The following EXOC5 variants were observed in gnomAD, a reference collection of about 807,000 sequenced individuals.
The protein encoded by EXOC5 is exocyst complex component 5.
Under a neutral mutation model 90.8 loss-of-function variants are expected in EXOC5, and 17 were observed. That is an observed-to-expected ratio of 0.19 (90% confidence interval 0.13 to 0.28). The LOEUF (loss-of-function observed/expected upper bound fraction) is 0.28, where lower values mean the gene tolerates loss of function less well. EXOC5 is among the 10% of genes least tolerant of loss of function. The pLI, the probability that EXOC5 is intolerant of heterozygous loss-of-function variation, is 1.00. For synonymous variants in EXOC5, 260 were observed against 270.0 expected, an observed-to-expected ratio of 0.96 and a Z score of 0.36; for missense variants, 569 against 830.6, an observed-to-expected ratio of 0.69 and a Z score of 3.87.
In EXOC5 at chr14:57,244,994, T is replaced by G. The variant is rs1250375874; in HGVS notation, c.271-635A>C. On this transcript the variant is annotated intron_variant, in intron 3 of 17. Coordinates refer to ENST00000621441, the MANE Select transcript of EXOC5 (RefSeq NM_006544.4). ...CTAGGTAACAGAGTAAAACTCTGCCTCAAAAAAAAAAAAAAAAAGTCAGTG... is the reference window on the plus strand; with the variant it reads ...CTAGGTAACAGAGTAAAACTCTGCCGCAAAAAAAAAAAAAAAAAGTCAGTG... Among the ~76,000 whole-genome samples the G allele has an allele frequency of 2.7e-5, 3 of 109,890 alleles. No homozygotes were observed. In the East Asian group the frequency reaches 7.4e-4, roughly 27 times the overall value. The allele number at this position is 109,890 out of a possible 152,430, so 72.1% of individuals were successfully genotyped here. A position where few individuals can be genotyped will look rare whatever the true frequency, so the allele number is the denominator to read the frequency against.
intron 9 of EXOC5, 133 bp downstream of exon 9, chr14:57,233,610 T>G: frequency 3.4e-6 from 2 of 593,612 alleles, no homozygotes; most frequent in East Asian, 5.8e-5. Flanking sequence ...TGAGGATTCC[T>G]TTCTCCTTAA....
In EXOC5 at chr14:57,205,605, A is replaced by G. The variant is rs1343797176; in HGVS notation, c.*3004T>C. The G allele has an allele frequency of 3.1e-6, 1 of 318,782 alleles. No individual in the cohort carries two copies. The highest frequency in any genetic ancestry group is 2.2e-5 in the African/African-American group (1 of 44,962). 19.7% of individuals were successfully genotyped at this position (318,782 alleles called of 1,614,324 possible). ...TTTATCCAGATCCTTGTAAATATTCACCATTACAGGTAAGAAAAACGCATT... is the reference window on the plus strand; with the variant it reads ...TTTATCCAGATCCTTGTAAATATTCGCCATTACAGGTAAGAAAAACGCATT... On this transcript the variant is annotated 3_prime_UTR_variant, in exon 18 of 18. Transcript: ENST00000621441.
In EXOC5 at chr14:57,205,783, A is replaced by G. The variant is rs1223117660; in HGVS notation, c.*2826T>C. 2.3e-6 allele frequency: 1 copy of G among 425,908 alleles called. No homozygotes were observed. Among genetic ancestry groups the G allele is most frequent in the Non-Finnish European group, 4.6e-6 (1 of 219,696 alleles). The allele number at this position is 425,908 out of a possible 1,614,324, so 26.4% of individuals were successfully genotyped here. A position where few individuals can be genotyped will look rare whatever the true frequency, so the allele number is the denominator to read the frequency against. On this transcript the variant is annotated 3_prime_UTR_variant, in exon 18 of 18. Transcript: ENST00000621441. ...AATGATCTACAATGTAATATAAATTAACCTAATTTAAATTAGATTTTAATT... is the reference window on the plus strand; with the variant it reads ...AATGATCTACAATGTAATATAAATTGACCTAATTTAAATTAGATTTTAATT...
rs200820058 is a variant in EXOC5 at position 57,228,755 on chromosome 14, AG to A, written c.1296+978del. ...TAGCATTAGGAGAAATACCTAATGT[AG>A]ATGAGGAGTTGATGGGTGCAGCAAA... On this transcript the variant is annotated intron_variant, in intron 12 of 17. Transcript: ENST00000621441. Among the ~76,000 whole-genome samples, 139 of 151,608 alleles carry A rather than the reference AG, an allele frequency of 9.2e-4. 2 individuals are homozygous for A. In the East Asian group the frequency reaches 0.014, roughly 15 times the overall value.
chr14:57,268,205 C>T (rs1707709128), intron 1 of EXOC5: 2 of 246,020 alleles, frequency 8.1e-6, no homozygotes, highest in South Asian at 1.2e-4. Flanking sequence ...TGGCTTCCTC[C>T]TATTATTCCC....
chr14:57,210,947 A>G (rs554225530), intron 15 of EXOC5, among the ~76,000 whole-genome samples: 9 of 152,282 alleles, frequency 5.9e-5, no homozygotes, highest in African/African-American at 1.9e-4. Context: ...TTTTTAGGTG[A>G]CAAGAAACAA....
chr14:57,216,339 A>G (rs1296333952), intron 15 of EXOC5, among the ~76,000 whole-genome samples: 2 of 152,102 alleles, frequency 1.3e-5, no homozygotes, highest in African/African-American at 4.8e-5. Context: ...AGCCACAGCA[A>G]TTTTGAGAAA....
At chr14:57,263,405 C>T (rs755243045) in intron 1 of EXOC5, among the ~76,000 whole-genome samples, 3 of 151,432 alleles carry the variant, frequency 2.0e-5, no homozygotes, top group Non-Finnish European at 4.4e-5. Context: ...AGGAGGTCGA[C>T]GCTGCAGTGA....
chr14:57,255,286 C>CT (rs1884318610), intron 1 of EXOC5, among the ~76,000 whole-genome samples: 1 of 152,114 alleles, frequency 6.6e-6, no homozygotes, highest in African/African-American at 2.4e-5. Context: ...GGCAAGTTGA[C>CT]TACACTGGGC....
chr14:57,222,920 G>T (rs1321710699), intron 12 of EXOC5, among the ~76,000 whole-genome samples: 1 of 151,882 alleles, frequency 6.6e-6, no homozygotes, highest in Non-Finnish European at 1.5e-5. Context: ...AGAACAAAAA[G>T]AATTCTTTGT....
chr14:57,244,389 C>T, intron 3 of EXOC5, 30 bp from the exon 4 acceptor site: 1 of 1,492,928 alleles, frequency 6.7e-7, no homozygotes, highest in South Asian at 1.1e-5. Context: ...GCATAAAATA[C>T]AATCAGTGTG....
In EXOC5 at chr14:57,201,568, T is replaced by TTATATATATA. The variant is rs71104542; in HGVS notation, c.*7031_*7040dup. On this transcript the variant is annotated 3_prime_UTR_variant, in exon 18 of 18. Transcript: ENST00000621441. Reference sequence around the variant, plus strand: ...ACATATATTTTTATATATATTAATATTATATATATATATATATATATATAT... The same window carrying TTATATATATA: ...ACATATATTTTTATATATATTAATATTATATATATATATATATATATATATATATATATAT... The TTATATATATA allele has an allele frequency of 5.8e-4, 54 of 93,404 alleles. No individual in the cohort carries two copies. Among genetic ancestry groups the TTATATATATA allele is most frequent in the East Asian group, 3.4e-3 (13 of 3,878 alleles). 5.8% of individuals were successfully genotyped at this position (93,404 alleles called of 1,614,324 possible). A position where few individuals can be genotyped will look rare whatever the true frequency, so the allele number is the denominator to read the frequency against.
chr14:57,205,932 C>T lies in EXOC5; in HGVS notation c.*2677G>A, dbSNP rs1882637723. 4.4e-6 allele frequency: 2 copies of T among 456,212 alleles called. No homozygotes were observed. Among genetic ancestry groups the T allele is most frequent in the Non-Finnish European group, 4.4e-6 (1 of 226,662 alleles). 28.3% of individuals were successfully genotyped at this position (456,212 alleles called of 1,614,324 possible). Reference sequence around the variant, plus strand: ...GGTGGTCATCCATCTAAAGATCCATCCAGCTACTATTTAATAATTCTTCAT... The same window carrying T: ...GGTGGTCATCCATCTAAAGATCCATTCAGCTACTATTTAATAATTCTTCAT... On this transcript the variant is annotated 3_prime_UTR_variant, in exon 18 of 18. Transcript: ENST00000621441.
chr14:57,218,353 A>G (rs1287948687), intron 14 of EXOC5, among the ~76,000 whole-genome samples: 2 of 152,090 alleles, frequency 1.3e-5, no homozygotes, highest in Non-Finnish European at 2.9e-5. Flanking sequence ...TCTCAAGAAT[A>G]TAAATGTGAC....
Position 57,234,005 on chromosome 14 carries a change from T to C in EXOC5, c.697A>G (p.Ile233Val), listed in dbSNP as rs753325767. 6.2e-6 allele frequency: 10 copies of C among 1,600,048 alleles called. No homozygotes were observed. Among genetic ancestry groups the C allele is most frequent in the Non-Finnish European group, 2.6e-6 (3 of 1,167,580 alleles). Residue 233 changes from isoleucine (I) to valine (V), a missense_variant, in exon 8 of 18, where the codon ATA becomes GTA. By Grantham distance (29) the Ile-to-Val change is conservative. Around this residue, in one of 9 missense-constraint regions of EXOC5, gnomAD observed 97 missense variants for 177.9 expected, o/e 0.55. Coordinates refer to ENST00000621441, the MANE Select transcript of EXOC5 (RefSeq NM_006544.4). ...KGYSHCVDVY[I>V]KQCQEGAYLR... ...TATGTTACCTCCTGGCACTGCTTTA[T>C]ATAAACATCAACACAATGGGAATAA...
chr14:57,223,823 G>A (rs1436083325), intron 12 of EXOC5, among the ~76,000 whole-genome samples: 1 of 151,826 alleles, frequency 6.6e-6, no homozygotes, highest in Admixed American at 6.6e-5. Flanking sequence ...AAAACCACAA[G>A]TCTTAATAAA....
At chr14:57,217,833 A>G in intron 15 of EXOC5, 149 bp downstream of exon 15, 1 of 617,900 alleles carries the variant, frequency 1.6e-6, no homozygotes, top group Non-Finnish European at 2.9e-6. Context: ...TCTAATAAGG[A>G]TGAAGGCAAT....
chr14:57,250,157 T>C (rs1458190962), intron 1 of EXOC5, among the ~76,000 whole-genome samples: 4 of 152,074 alleles, frequency 2.6e-5, no homozygotes, highest in Non-Finnish European at 5.9e-5. Flanking sequence ...TGCAGCTAAG[T>C]AATAAGCCAT....
At chr14:57,232,235 T>C (rs1295432996) in intron 10 of EXOC5, 1 of 153,680 alleles carries the variant, frequency 6.5e-6, no homozygotes. Flanking sequence ...AGTAATAGGG[T>C]TGGGAAAAGT....
Sources: gnomAD v4.1 joint callset for allele counts (sites outside exome capture counted in the v4.1 genomes callset) on GRCh38, gnomAD v4.1.1 for gene constraint, gnomAD v4.1.1 regional missense constraint, MANE v1.5 for transcripts, NCBI Gene and HGNC (gene_info 2026-07-23, HGNC 2026-07-21) for gene names.